CA10: variants seen among roughly 807,000 people sequenced by gnomAD.
CA10 encodes the protein carbonic anhydrase-related protein 10.
CA10 carries 14 observed loss-of-function variants against 44.2 expected under a neutral mutation model. That is an observed-to-expected ratio of 0.32 (90% CI 0.21 to 0.50). The LOEUF (loss-of-function observed/expected upper bound fraction) is 0.50, where lower values mean the gene tolerates loss of function less well. CA10 is among the 20% of genes least tolerant of loss of function. The pLI, the probability that CA10 is intolerant of heterozygous loss-of-function variation, is 0.99. For synonymous variants in CA10, 159 were observed against 141.6 expected (o/e 1.12, Z -0.87); for missense variants, 350 against 409.7 (o/e 0.85, Z 1.26).
chr17:52,117,463 TTC>T (rs1245908111), intron 1 of CA10, among the ~76,000 whole-genome samples: 1 of 152,226 alleles, frequency 6.6e-6, no homozygotes, highest in Non-Finnish European at 1.5e-5. Context: ...GGGATTTTTT[TTC>T]TTTTTTCTCC....
chr17:51,818,861 G>T (rs1169514430), intron 3 of CA10, among the ~76,000 whole-genome samples: 1 of 152,138 alleles, frequency 6.6e-6, no homozygotes, highest in Non-Finnish European at 1.5e-5. Context: ...GTGTCAAGAG[G>T]TTAAGTAAGA....
At chr17:51,659,382 AGCTTGCAGACTGC>A (rs1349863242) in intron 4 of CA10, among the ~76,000 whole-genome samples, 2 of 152,168 alleles carry the variant, frequency 1.3e-5, no homozygotes, top group Non-Finnish European at 2.9e-5. Flanking sequence ...CTGGTTCTCC[AGCTTGCAGACTGC>A]ACATTGTGGG....
chr17:51,893,686 T>G (rs1296053286), intron 3 of CA10, among the ~76,000 whole-genome samples: 3 of 152,110 alleles, frequency 2.0e-5, no homozygotes, highest in Non-Finnish European at 4.4e-5. Context: ...ATAGACACCA[T>G]GAAGAATTAA....
chr17:51,685,798 C>T (rs547031694), intron 4 of CA10, among the ~76,000 whole-genome samples: 217 of 152,210 alleles, frequency 1.4e-3, no homozygotes, highest in African/African-American at 4.9e-3. Flanking sequence ...GAAAATAACC[C>T]CAGAAAAGTC....
chr17:51,978,126 C>G (rs1984523779), intron 2 of CA10, among the ~76,000 whole-genome samples: 1 of 151,982 alleles, frequency 6.6e-6, no homozygotes, highest in South Asian at 2.1e-4. Context: ...CAATGTAATT[C>G]TTATCAAAGT....
chr17:52,073,383 A>C (rs1037362340), intron 1 of CA10, among the ~76,000 whole-genome samples: 8 of 152,082 alleles, frequency 5.3e-5, no homozygotes, highest in Non-Finnish European at 1.2e-4. Flanking sequence ...TTTCCAGATA[A>C]GCTTGGACTG....
chr17:52,090,689 C>A (rs1282535947), intron 1 of CA10, among the ~76,000 whole-genome samples: 7 of 152,022 alleles, frequency 4.6e-5, no homozygotes, highest in African/African-American at 1.7e-4. Flanking sequence ...AATGTAGGTT[C>A]CTCTTTGTCC....
rs1351968211 is a variant in CA10, at chr17:51,796,485, G to A, written c.280-48667C>T. ...GAAATCTATATTCTATGGGGTGGGG[G>A]AGATAGGGAAGAGATTGAGTCAACA... On this transcript the variant is annotated intron_variant, in intron 3 of 8. Transcript: ENST00000451037. 2.6e-5 allele frequency among the ~76,000 whole-genome samples: 4 copies of A among 152,308 alleles called. No homozygotes were observed. In the East Asian group the frequency reaches 7.7e-4, roughly 29 times the overall value.
intron 4 of CA10, among the ~76,000 whole-genome samples, chr17:51,673,539 A>T (rs1413679762): frequency 6.6e-6 from 1 of 152,178 alleles, no homozygotes; most frequent in Admixed American, 6.5e-5. Flanking sequence ...CTCATTAGTC[A>T]TGAAGTTCTG....
intron 3 of CA10, among the ~76,000 whole-genome samples, chr17:51,849,205 GTATATA>G (rs550889856): frequency 2.0e-5 from 1 of 50,412 alleles, no homozygotes; most frequent in African/African-American, 7.8e-5. Flanking sequence ...ATACATATAT[GTATATA>G]TATATATACA....
intron 3 of CA10, among the ~76,000 whole-genome samples, chr17:51,765,182 C>T (rs8182237): frequency 0.35 from 52,720 of 151,840 alleles, 9,858 homozygotes; most frequent in East Asian, 0.54. Flanking sequence ...AATATCTGTA[C>T]CAGAGAAGTT....
Position 51,649,617 on chromosome 17 carries a change from G to T in CA10, c.562-363C>A, listed in dbSNP as rs547067333. 2.0e-4 allele frequency among the ~76,000 whole-genome samples: 31 copies of T among 152,276 alleles called. No individual in the cohort carries two copies. In the South Asian group the frequency reaches 5.0e-3, roughly 24 times the overall value. On this transcript the variant is annotated intron_variant, in intron 5 of 8. Coordinates refer to ENST00000451037, the MANE Select transcript of CA10 (RefSeq NM_020178.5). ...GATAGAGTGTGAAAAGGGATGAAAG[G>T]CAAGGAAAAGCATTTCATACAGAAA...
chr17:51,765,725 A>ATG (rs1567832382), intron 3 of CA10, among the ~76,000 whole-genome samples: 4 of 122,968 alleles, frequency 3.3e-5, no homozygotes, highest in African/African-American at 1.3e-4. Context: ...GTGTGTGTGT[A>ATG]TGTGTGTGTG....
chr17:51,718,691 G>T (rs767856384), intron 4 of CA10, among the ~76,000 whole-genome samples: 4 of 152,150 alleles, frequency 2.6e-5, no homozygotes, highest in Non-Finnish European at 5.9e-5. Flanking sequence ...CCTCTGAAGT[G>T]GGGGGAAAAC....
chr17:52,016,410 T>G (rs977401585), intron 2 of CA10, among the ~76,000 whole-genome samples: 2 of 152,112 alleles, frequency 1.3e-5, no homozygotes, highest in Non-Finnish European at 2.9e-5. Context: ...ACTCGGTAAA[T>G]GTATTCATTG....
chr17:51,938,226 G>C (rs1211954051), intron 2 of CA10, among the ~76,000 whole-genome samples: 1 of 152,156 alleles, frequency 6.6e-6, no homozygotes, highest in Non-Finnish European at 1.5e-5. Context: ...AAATGGTCTA[G>C]CATAATGTTG....
intron 3 of CA10, among the ~76,000 whole-genome samples, chr17:51,925,443 A>T (rs1420339399): frequency 1.3e-5 from 2 of 152,084 alleles, no homozygotes; most frequent in Non-Finnish European, 1.5e-5. Flanking sequence ...AAAAAAAACA[A>T]CAAGTTTCTG....
chr17:51,663,346 G>A (rs1180231249), intron 4 of CA10, among the ~76,000 whole-genome samples: 1 of 152,094 alleles, frequency 6.6e-6, no homozygotes, highest in Non-Finnish European at 1.5e-5. Context: ...GATCCTCCCA[G>A]AAGTGACTTG....
chr17:51,988,291 C>T (rs1156562997), intron 2 of CA10, among the ~76,000 whole-genome samples: 1 of 151,652 alleles, frequency 6.6e-6, no homozygotes, highest in Non-Finnish European at 1.5e-5. Context: ...ATTAAATATG[C>T]AAGTATAGTT....
Sources: allele counts gnomAD v4.1 joint callset (sites outside exome capture counted in the v4.1 genomes callset), GRCh38; gene constraint gnomAD v4.1.1; transcripts MANE v1.5; gene names NCBI Gene and HGNC (gene_info 2026-07-23, HGNC 2026-07-21).